Variants in SMOX observed in about 807,000 individuals in gnomAD.
SMOX encodes flavin containing amine oxidase.
Under a neutral mutation model 51.0 loss-of-function variants are expected in SMOX, and 22 were observed. The ratio of observed to expected loss-of-function variants is 0.43; its 90% confidence interval spans 0.31 to 0.62. The LOEUF (loss-of-function observed/expected upper bound fraction) is 0.62. SMOX is among the 20% of genes least tolerant of loss of function. The pLI, the probability that SMOX is intolerant of heterozygous loss-of-function variation, is 0.10. For synonymous variants in SMOX, 282 were observed against 307.8 expected (o/e 0.92, Z 0.88); for missense variants, 566 against 777.7 (o/e 0.73, Z 3.24).
rs1045076103 is a variant in SMOX, at chr20:4,183,729, G to A, written c.1530+75G>A. 4.0e-6 allele frequency: 6 copies of A among 1,483,296 alleles called. No individual in the cohort carries two copies. In the African/African-American group the frequency reaches 4.2e-5, roughly 10 times the overall value. 91.9% of individuals were successfully genotyped at this position (1,483,296 alleles called of 1,614,324 possible). Reference sequence around the variant, plus strand: ...TGTGTGTCCGGTCCAGGGTGAGGAGGGCTAGGGTAGTGTTCACTAAGGGGT... The same window carrying A: ...TGTGTGTCCGGTCCAGGGTGAGGAGAGCTAGGGTAGTGTTCACTAAGGGGT... On this transcript the variant is annotated intron_variant, in intron 6 of 6. Transcript: ENST00000305958. This position sits in a 1 kb window ranked among gnomAD's most constrained non-coding sequence, Gnocchi z 4.3.
Position 4,183,411 on chromosome 20 carries a change from G to T in SMOX, c.1370-83G>T. The T allele has an allele frequency of 6.3e-7, 1 of 1,597,000 alleles. No individual in the cohort carries two copies. Among genetic ancestry groups the T allele is most frequent in the Non-Finnish European group, 8.6e-7 (1 of 1,166,846 alleles). On this transcript the variant is annotated intron_variant, in intron 5 of 6. Coordinates refer to ENST00000305958, the MANE Select transcript of SMOX (RefSeq NM_175839.3). This position sits in a 1 kb window ranked among gnomAD's most constrained non-coding sequence, Gnocchi z 4.3. ...CCTCCCGGAGCCCTGGAGGTGGGGT[G>T]GGGGGTTGTCCCTTTGGGGTCATCT... is the stretch of plus-strand genomic sequence containing the variant.
chr20:4,177,988 T>C lies in SMOX; in HGVS notation c.435+411T>C, dbSNP rs1979010864. On this transcript the variant is annotated intron_variant, in intron 3 of 6. Transcript: ENST00000305958. This position sits in a 1 kb window ranked among gnomAD's most constrained non-coding sequence, Gnocchi z 4.3. Reference sequence around the variant, plus strand: ...GTAGTCACTAGCCACATTTGGCTCTTGAGCACTTGAAATGATGCAAGTAAA... The same window carrying C: ...GTAGTCACTAGCCACATTTGGCTCTCGAGCACTTGAAATGATGCAAGTAAA... Among the ~76,000 whole-genome samples the C allele has an allele frequency of 6.6e-6, 1 of 152,200 alleles. No homozygotes were observed. The highest frequency in any genetic ancestry group is 2.1e-4 in the South Asian group (1 of 4,836).
chr20:4,164,395 C>T (rs1986464423), intron 1 of SMOX, among the ~76,000 whole-genome samples: 1 of 152,178 alleles, frequency 6.6e-6, no homozygotes. Flanking sequence ...TTGTCACACA[C>T]CTCTGTGGGG....
intron 1 of SMOX, among the ~76,000 whole-genome samples, chr20:4,152,693 G>T (rs908414023): frequency 2.0e-5 from 3 of 152,086 alleles, no homozygotes; most frequent in Admixed American, 6.5e-5. Context: ...GCAGGGCCCT[G>T]GTATATTCAC....
chr20:4,173,258 T>G lies in SMOX; in HGVS notation c.-26-1772T>G, dbSNP rs190084838. On this transcript the variant is annotated intron_variant, in intron 1 of 6. Coordinates refer to ENST00000305958, the MANE Select transcript of SMOX (RefSeq NM_175839.3). ...TCTCCCTGCCTTCTAACCTCTCTTC[T>G]GACCTCTGGCTTCATAGATTGGGTT... 1.5e-4 allele frequency among the ~76,000 whole-genome samples: 23 copies of G among 152,356 alleles called. No homozygotes were observed. The East Asian group carries it at 3.7e-3, about 24-fold the overall frequency.
At chr20:4,155,694 TG>T (rs1985990322) in intron 1 of SMOX, among the ~76,000 whole-genome samples, 1 of 152,052 alleles carries the variant, frequency 6.6e-6, no homozygotes, top group Non-Finnish European at 1.5e-5. Flanking sequence ...CCATCCGGGT[TG>T]TTTTGGGGGT....
intron 3 of SMOX, among the ~76,000 whole-genome samples, chr20:4,180,053 T>G (rs1979205963): frequency 6.6e-6 from 1 of 152,202 alleles, no homozygotes. Context: ...AGCTAAGGAC[T>G]GGCTACCAGG....
rs1985865913 is a variant in SMOX at position 4,153,578 on chromosome 20, G to A, written c.-27+4601G>A. Among the ~76,000 whole-genome samples the A allele has an allele frequency of 6.6e-6, 1 of 152,132 alleles. No individual in the cohort carries two copies. ...AACGGTTTGCTGACCACACAGGGAT[G>A]GGGTCTGTTTTCTCTGAATTCTGAG... is the stretch of plus-strand genomic sequence containing the variant. On this transcript the variant is annotated intron_variant, in intron 1 of 6. Transcript: ENST00000305958. This position sits in a 1 kb window ranked among gnomAD's most constrained non-coding sequence, Gnocchi z 4.4.
At position 4,187,180 on chromosome 20, in the gene SMOX, G is replaced by C; in HGVS notation, c.1531-90G>C. On this transcript the variant is annotated intron_variant, in intron 6 of 6. Transcript: ENST00000305958. The surrounding 1 kb of genome is among the most constrained non-coding windows in gnomAD (Gnocchi z 4.8). The stretch of plus-strand genomic sequence containing the variant: ...TCAGAGCCTCTCTAATTTGTCATTG[G>C]GATGGGAGGTTCTGGTGGAGAGGGG... 1 of 1,462,526 alleles carries C rather than the reference G, an allele frequency of 6.8e-7. No individual in the cohort carries two copies. The highest frequency in any genetic ancestry group is 9.2e-7 in the Non-Finnish European group (1 of 1,090,640). The allele number at this position is 1,462,526 out of a possible 1,614,324, so 90.6% of individuals were successfully genotyped here.
At chr20:4,160,010 A>C (rs985776389) in intron 1 of SMOX, among the ~76,000 whole-genome samples, 63 of 152,206 alleles carry the variant, frequency 4.1e-4, no homozygotes, top group Admixed American at 4.0e-3. Flanking sequence ...GGCAGTTATG[A>C]GTTACTTGCT....
At chr20:4,158,940 C>T (rs1246879492) in intron 1 of SMOX, among the ~76,000 whole-genome samples, 1 of 151,866 alleles carries the variant, frequency 6.6e-6, no homozygotes, top group Admixed American at 6.6e-5. Flanking sequence ...GGCATATATT[C>T]TTAGGAAATA....
rs1030512323 is a variant in SMOX at position 4,149,616 on chromosome 20, G to A, written c.-27+639G>A. On this transcript the variant is annotated intron_variant, in intron 1 of 6. Transcript: ENST00000305958. This position sits in a 1 kb window ranked among gnomAD's most constrained non-coding sequence, Gnocchi z 6.0. Reference sequence around the variant, plus strand: ...CGGGAGCCGGGCTCGCAAAGGGTTCGGGTGTGTTGGAGGGCTCACTTTGTG... The same window carrying A: ...CGGGAGCCGGGCTCGCAAAGGGTTCAGGTGTGTTGGAGGGCTCACTTTGTG... Among the ~76,000 whole-genome samples the A allele has an allele frequency of 6.6e-6, 1 of 152,182 alleles. No homozygotes were observed. The highest frequency in any genetic ancestry group is 2.4e-5 in the African/African-American group (1 of 41,458).
chr20:4,157,142 G>C (rs1986053979), intron 1 of SMOX, among the ~76,000 whole-genome samples: 1 of 152,180 alleles, frequency 6.6e-6, no homozygotes, highest in Non-Finnish European at 1.5e-5. Flanking sequence ...TAACACAGCA[G>C]GGTTGTGAAC....
At chr20:4,174,519 G>A (rs1452013605) in intron 1 of SMOX, among the ~76,000 whole-genome samples, 1 of 152,090 alleles carries the variant, frequency 6.6e-6, no homozygotes, top group East Asian at 1.9e-4. Flanking sequence ...GAGCCTCCTG[G>A]TATTGGCACC....
rs1004347703 is a variant in SMOX, at chr20:4,170,531, A to G, written c.-26-4499A>G. On this transcript the variant is annotated intron_variant, in intron 1 of 6. Transcript: ENST00000305958. The surrounding 1 kb of genome is among the most constrained non-coding windows in gnomAD (Gnocchi z 4.6). ...GCCCAGGCTGGAGCACCATGGTGCC[A>G]TCTCAGCTCACTGCAACTAGAGCGT... 2.0e-4 allele frequency among the ~76,000 whole-genome samples: 31 copies of G among 151,986 alleles called. No individual in the cohort carries two copies. Among genetic ancestry groups the G allele is most frequent in the African/African-American group, 7.0e-4 (29 of 41,354 alleles).
Position 4,182,519 on chromosome 20 carries a change from C to G in SMOX, c.1040C>G (p.Pro347Arg). The G allele has an allele frequency of 6.2e-7, 1 of 1,611,340 alleles. No homozygotes were observed. Among genetic ancestry groups the G allele is most frequent in the Non-Finnish European group, 8.5e-7 (1 of 1,178,428 alleles). ...LKRQYTSFFR[P>R]GLPTEKVAAI... ...AGGCAGTACACCAGTTTCTTCCGGC[C>G]AGGCCTGCCCACAGAGAAGGTGGCT... Residue 347 changes from proline to arginine, a missense_variant, in exon 5 of 7, where the codon CCA becomes CGA. Physicochemically the swap from Pro to Arg is moderately radical, Grantham distance 103 (BLOSUM62 -2). This residue lies in a region of SMOX where 347 missense variants were observed against 481.8 expected (regional missense o/e 0.72). Coordinates refer to ENST00000305958, the MANE Select transcript of SMOX (RefSeq NM_175839.3). This position sits in a 1 kb window ranked among gnomAD's most constrained non-coding sequence, Gnocchi z 8.4.
At chr20:4,171,177 ATTTC>A (rs565480706) in intron 1 of SMOX, among the ~76,000 whole-genome samples, 4 of 152,032 alleles carry the variant, frequency 2.6e-5, no homozygotes, top group African/African-American at 9.7e-5. Context: ...AGCGGATGTT[ATTTC>A]TTTCTTTCTT....
intron 1 of SMOX, among the ~76,000 whole-genome samples, chr20:4,174,820 C>T (rs1978698472): frequency 6.6e-6 from 1 of 152,178 alleles, no homozygotes; most frequent in African/African-American, 2.4e-5. Flanking sequence ...CTCCTCCCTT[C>T]CTGCCACCTT....
At position 4,181,789 on chromosome 20, in the gene SMOX, G is replaced by A; in HGVS notation, c.436-14G>A. On this transcript the variant is annotated splice_polypyrimidine_tract_variant and intron_variant, in intron 3 of 6. Coordinates refer to ENST00000305958, the MANE Select transcript of SMOX (RefSeq NM_175839.3). This position sits in a 1 kb window ranked among gnomAD's most constrained non-coding sequence, Gnocchi z 5.6. ...TGATGAGGTGTTTTCAGTCTCATGG[G>A]GTCTCTCTGGCAGGTCTATAACTTG... 1.2e-6 allele frequency: 2 copies of A among 1,612,504 alleles called. No homozygotes were observed. Among genetic ancestry groups the A allele is most frequent in the Non-Finnish European group, 1.7e-6 (2 of 1,179,154 alleles).
Sources: gnomAD v4.1 joint callset for allele counts (sites outside exome capture counted in the v4.1 genomes callset) on GRCh38, gnomAD v4.1.1 for gene constraint, gnomAD v4.1.1 regional missense constraint, Gnocchi (gnomAD v3.1) non-coding constraint, MANE v1.5 for transcripts, NCBI Gene and HGNC (gene_info 2026-07-23, HGNC 2026-07-21) for gene names.